Variants in MACROD2 observed in about 807,000 individuals in gnomAD.
MACROD2 encodes the protein ADP-ribose glycohydrolase MACROD2.
In MACROD2, 36 loss-of-function variants were observed where a neutral mutation model predicts 70.4. The observed-to-expected ratio is 0.51, with a 90% CI of 0.39 to 0.68. The LOEUF is 0.68. Among genes scored for constraint, MACROD2 ranks in the 30% least tolerant of loss-of-function variants. The probability of loss-of-function intolerance (pLI) is 0.00; values close to 1 mark genes in which losing one functional copy is unlikely to be tolerated. For missense variants in MACROD2, 496 were observed against 538.4 expected (o/e 0.92, Z 0.78); for synonymous variants, 172 against 178.8 (o/e 0.96, Z 0.30).
At chr20:15,599,591 A>G (rs543907688) in intron 8 of MACROD2, among the ~76,000 whole-genome samples, 1 of 151,998 alleles carries the variant, frequency 6.6e-6, no homozygotes, top group South Asian at 2.1e-4. Flanking sequence ...TAAATTGATA[A>G]TAATAAACTC....
chr20:14,148,558 T>C (rs1233049854), intron 3 of MACROD2, among the ~76,000 whole-genome samples: 1 of 152,208 alleles, frequency 6.6e-6, no homozygotes, highest in African/African-American at 2.4e-5. Context: ...TCTTTTACAG[T>C]TTCTATACAG....
chr20:15,749,444 T>G (rs2051234631), intron 8 of MACROD2, among the ~76,000 whole-genome samples: 1 of 152,046 alleles, frequency 6.6e-6, no homozygotes. Context: ...CTCCCTAAAA[T>G]TTCGGATCTA....
intron 15 of MACROD2, among the ~76,000 whole-genome samples, chr20:15,998,277 G>T (rs1284790894): frequency 6.6e-6 from 1 of 152,092 alleles, no homozygotes; most frequent in Non-Finnish European, 1.5e-5. Flanking sequence ...TTAAATGTTT[G>T]GTAGAATTCA....
intron 8 of MACROD2, among the ~76,000 whole-genome samples, chr20:15,553,722 G>C (rs547040186): frequency 6.6e-6 from 1 of 152,304 alleles, no homozygotes; most frequent in Non-Finnish European, 1.5e-5. Context: ...TTGTGGACGT[G>C]CCCGGCCACC....
chr20:14,997,382 T>C (rs777182298), intron 5 of MACROD2, among the ~76,000 whole-genome samples: 8 of 152,102 alleles, frequency 5.3e-5, no homozygotes, highest in Admixed American at 2.6e-4. Flanking sequence ...CAAAGAGTCC[T>C]TGGGCCTTAA....
intron 6 of MACROD2, among the ~76,000 whole-genome samples, chr20:15,421,270 C>A (rs952101832): frequency 1.3e-5 from 2 of 151,912 alleles, no homozygotes; most frequent in African/African-American, 4.8e-5. Flanking sequence ...CCCAGCTATT[C>A]AGGAGGCTGA....
chr20:14,070,902 A>G (rs967053848), intron 2 of MACROD2, among the ~76,000 whole-genome samples: 4 of 152,200 alleles, frequency 2.6e-5, no homozygotes, highest in African/African-American at 2.4e-5. Context: ...ATCAGGACCT[A>G]CTGATGGTCT....
intron 5 of MACROD2, among the ~76,000 whole-genome samples, chr20:15,019,913 T>C (rs1277871842): frequency 6.6e-6 from 1 of 152,184 alleles, no homozygotes; most frequent in African/African-American, 2.4e-5. Context: ...TAATAATAAT[T>C]GAATACTTAA....
intron 3 of MACROD2, among the ~76,000 whole-genome samples, chr20:14,102,257 C>T (rs1238108685): frequency 6.6e-6 from 1 of 151,960 alleles, no homozygotes; most frequent in African/African-American, 2.4e-5. Context: ...CCGCCTCAGC[C>T]TCCGAAAGTG....
At chr20:16,010,635 A>G (rs2066850956) in intron 15 of MACROD2, among the ~76,000 whole-genome samples, 1 of 152,174 alleles carries the variant, frequency 6.6e-6, no homozygotes, top group African/African-American at 2.4e-5. Flanking sequence ...CAGCCCTCAT[A>G]AGACCTCCAA....
chr20:15,795,233 A>G (rs2063662229), intron 8 of MACROD2, among the ~76,000 whole-genome samples: 1 of 152,148 alleles, frequency 6.6e-6, no homozygotes, highest in Non-Finnish European at 1.5e-5. Context: ...CAGAGTTCAC[A>G]TAGGAGAACG....
chr20:15,331,204 C>T (rs1292600512), intron 6 of MACROD2, among the ~76,000 whole-genome samples: 6 of 151,608 alleles, frequency 4.0e-5, no homozygotes, highest in Non-Finnish European at 8.8e-5. Context: ...TACAGAAGCT[C>T]ATATAAATAA....
rs189425855 is a variant in MACROD2 at position 15,139,847 on chromosome 20, A to T, written c.419-90093A>T. Reference sequence around the variant, plus strand: ...AGTCATTTCCAGTTACCTGGTGGTGACATGCACAAGTGGCATATAGAGACT... The same window carrying T: ...AGTCATTTCCAGTTACCTGGTGGTGTCATGCACAAGTGGCATATAGAGACT... On this transcript the variant is annotated intron_variant, in intron 5 of 17. Transcript: ENST00000684519. Among the ~76,000 whole-genome samples the T allele has an allele frequency of 7.0e-4, 107 of 152,282 alleles. No homozygotes were observed. The Middle Eastern group carries it at 0.01, about 15-fold the overall frequency.
At chr20:14,755,813 TCTA>T (rs2071933030) in intron 5 of MACROD2, among the ~76,000 whole-genome samples, 1 of 151,992 alleles carries the variant, frequency 6.6e-6, no homozygotes, top group Non-Finnish European at 1.5e-5. Context: ...AAATAAATAT[TCTA>T]TCAATAGGAA....
At chr20:16,007,258 A>T (rs1377653550) in intron 15 of MACROD2, among the ~76,000 whole-genome samples, 1 of 152,260 alleles carries the variant, frequency 6.6e-6, no homozygotes, top group Non-Finnish European at 1.5e-5. Flanking sequence ...AAATTACAGT[A>T]GAGTTTCACT....
chr20:15,305,238 T>A (rs918715073), intron 6 of MACROD2, among the ~76,000 whole-genome samples: 3 of 152,060 alleles, frequency 2.0e-5, no homozygotes, highest in African/African-American at 7.2e-5. Flanking sequence ...TTTGTTTTTT[T>A]TTTCCCATGG....
At chr20:14,789,924 T>C (rs917799937) in intron 5 of MACROD2, among the ~76,000 whole-genome samples, 1 of 152,122 alleles carries the variant, frequency 6.6e-6, no homozygotes, top group Non-Finnish European at 1.5e-5. Flanking sequence ...AAATGTAGTT[T>C]TGAAATAGGA....
chr20:14,953,594 C>A (rs1308914158), intron 5 of MACROD2, among the ~76,000 whole-genome samples: 1 of 152,128 alleles, frequency 6.6e-6, no homozygotes. Context: ...CGTAAGCCAC[C>A]GTGCCCGGCC....
chr20:15,468,766 T>C (rs2046928067), intron 7 of MACROD2, among the ~76,000 whole-genome samples: 1 of 152,208 alleles, frequency 6.6e-6, no homozygotes, highest in African/African-American at 2.4e-5. Flanking sequence ...CATCTTCCTT[T>C]CTCTTCCTCC....
Sources: allele counts gnomAD v4.1 joint callset (sites outside exome capture counted in the v4.1 genomes callset), GRCh38; gene constraint gnomAD v4.1.1; transcripts MANE v1.5; gene names NCBI Gene and HGNC (gene_info 2026-07-23, HGNC 2026-07-21).